ITM2B: variants seen among roughly 807,000 people sequenced by gnomAD.
ITM2B encodes integral membrane protein 2B, also known as ABri/ADan amyloid peptide.
In ITM2B, 11 loss-of-function variants were observed where a neutral mutation model predicts 27.8. That is an observed-to-expected ratio of 0.40 (90% CI 0.25 to 0.66). The LOEUF (loss-of-function observed/expected upper bound fraction) is 0.66, where lower values mean the gene tolerates loss of function less well. Ranked by LOEUF, ITM2B falls within the 30% of genes least tolerant of loss-of-function variation. The pLI is 0.43. For missense variants in ITM2B, 296 were observed against 328.9 expected (o/e 0.90, Z 0.77); for synonymous variants, 114 against 114.3 (o/e 1.00, Z 0.02).
At chr13:48,239,832 A>T (rs1464575919) in intron 1 of ITM2B, among the ~76,000 whole-genome samples, 1 of 152,214 alleles carries the variant, frequency 6.6e-6, no homozygotes, top group African/African-American at 2.4e-5. Context: ...TATAGCCTAT[A>T]TCTTCAAATA....
chr13:48,261,107 A>G, intron 5 of ITM2B, 32 bp from the exon 6 acceptor site: 4 of 1,451,994 alleles, frequency 2.8e-6, no homozygotes, highest in Non-Finnish European at 3.9e-6. Flanking sequence ...AAAGAATCAA[A>G]ATTTTAAAAA....
rs1951645437 is a variant in ITM2B, at chr13:48,233,270, G to C, written c.-91G>C. On this transcript the variant is annotated 5_prime_UTR_variant, in exon 1 of 6. Transcript: ENST00000647800. Reference sequence around the variant, plus strand: ...TCAGCCGCCCGGAGCCGCTCCCGGAGCCCGGCCGTAGAGGCTGCAATCGCA... The same window carrying C: ...TCAGCCGCCCGGAGCCGCTCCCGGACCCCGGCCGTAGAGGCTGCAATCGCA... 1 of 764,792 alleles carries C rather than the reference G, an allele frequency of 1.3e-6. No homozygotes were observed. Among genetic ancestry groups the C allele is most frequent in the African/African-American group, 1.9e-5 (1 of 53,056 alleles). 47.4% of individuals were successfully genotyped at this position (764,792 alleles called of 1,614,324 possible). A position where few individuals can be genotyped will look rare whatever the true frequency, so the allele number is the denominator to read the frequency against.
At chr13:48,240,908 T>A (rs529804185) in intron 1 of ITM2B, among the ~76,000 whole-genome samples, 1 of 152,370 alleles carries the variant, frequency 6.6e-6, no homozygotes, top group East Asian at 1.9e-4. Context: ...TTATCTTGTG[T>A]CCTTTTACAA....
Position 48,255,523 on chromosome 13 carries a change from G to A in ITM2B, c.247-654G>A, listed in dbSNP as rs9332282. Among the ~76,000 whole-genome samples the A allele has an allele frequency of 5.0e-3, 760 of 152,190 alleles. 5 individuals are homozygous for A. The highest frequency in any genetic ancestry group is 0.01 in the Middle Eastern group (3 of 294). ...TTGCCCAGGCTGGTCTTGAACTCCTGGGCTCAAGCAGTCCATCTGTCTCAG... is the reference window on the plus strand; with the variant it reads ...TTGCCCAGGCTGGTCTTGAACTCCTAGGCTCAAGCAGTCCATCTGTCTCAG... On this transcript the variant is annotated intron_variant, in intron 2 of 5. Transcript: ENST00000647800.
At chr13:48,245,358 A>G (rs1169518741) in intron 1 of ITM2B, among the ~76,000 whole-genome samples, 2 of 152,184 alleles carry the variant, frequency 1.3e-5, no homozygotes, top group Non-Finnish European at 2.9e-5. Flanking sequence ...TCTGTTCAGC[A>G]TAGATTGAAT....
At position 48,265,990 on chromosome 13, in the gene ITM2B, A is replaced by T. The variant is rs1951850991; in HGVS notation, c.*4766A>T. On this transcript the variant is annotated 3_prime_UTR_variant, in exon 6 of 6. Coordinates refer to ENST00000647800, the MANE Select transcript of ITM2B (RefSeq NM_021999.5). ...TACGTTAGTAGGGCACCTGACACAT[A>T]GTTGCAGCTCTTATTTATTGAATGA... 1 of 152,190 alleles carries T rather than the reference A, an allele frequency of 6.6e-6. No individual in the cohort carries two copies. The allele number at this position is 152,190 out of a possible 1,614,324, so 9.4% of individuals were successfully genotyped here. A position where few individuals can be genotyped will look rare whatever the true frequency, so the allele number is the denominator to read the frequency against.
intron 3 of ITM2B, among the ~76,000 whole-genome samples, chr13:48,257,681 G>A (rs991949689): frequency 9.9e-5 from 15 of 152,072 alleles, no homozygotes; most frequent in Non-Finnish European, 4.4e-5. Context: ...CTCAACCAGC[G>A]TTTCTCATTT....
chr13:48,268,627 GT>G lies in ITM2B; in HGVS notation c.*7404del. The G allele has an allele frequency of 6.6e-6, 1 of 152,024 alleles. No homozygotes were observed. The highest frequency in any genetic ancestry group is 1.9e-4 in the East Asian group (1 of 5,160). 9.4% of individuals were successfully genotyped at this position (152,024 alleles called of 1,614,324 possible). A position where few individuals can be genotyped will look rare whatever the true frequency, so the allele number is the denominator to read the frequency against. ...GCCCTGCCAGTATTCCATTTTTTGT[GT>G]ATACCACAATTTATCATTTTTTTCT... On this transcript the variant is annotated 3_prime_UTR_variant, in exon 6 of 6. Coordinates refer to ENST00000647800, the MANE Select transcript of ITM2B (RefSeq NM_021999.5).
At chr13:48,254,751 CAT>C (rs1197076750) in intron 2 of ITM2B, 2 of 152,056 alleles carry the variant, frequency 1.3e-5, no homozygotes, top group South Asian at 2.1e-4. Flanking sequence ...TAATCAATCA[CAT>C]GTTGATAGAC....
intron 1 of ITM2B, among the ~76,000 whole-genome samples, chr13:48,248,161 G>T (rs1427924088): frequency 6.6e-6 from 1 of 152,024 alleles, no homozygotes; most frequent in Non-Finnish European, 1.5e-5. Flanking sequence ...TATATGTTTT[G>T]AAAGTCTTAA....
intron 2 of ITM2B, among the ~76,000 whole-genome samples, 156 bp downstream of exon 2, chr13:48,254,092 A>G (rs766815868): frequency 1.3e-5 from 2 of 152,086 alleles, no homozygotes; most frequent in Admixed American, 6.5e-5. Flanking sequence ...GTGTTTAAAC[A>G]TCTCTCCATG....
intron 1 of ITM2B, among the ~76,000 whole-genome samples, chr13:48,248,647 T>C (rs1462290756): frequency 6.6e-6 from 1 of 152,168 alleles, no homozygotes; most frequent in Non-Finnish European, 1.5e-5. Context: ...CTGGGCCACA[T>C]TGGAAGAAGA....
chr13:48,252,944 G>A (rs1352441446), intron 1 of ITM2B, among the ~76,000 whole-genome samples: 1 of 152,184 alleles, frequency 6.6e-6, no homozygotes, highest in Non-Finnish European at 1.5e-5. Flanking sequence ...GAGGGATCAG[G>A]TTAGAAGGGC....
At chr13:48,240,395 CG>C (rs1319191293) in intron 1 of ITM2B, among the ~76,000 whole-genome samples, 2 of 152,032 alleles carry the variant, frequency 1.3e-5, no homozygotes, top group African/African-American at 4.8e-5. Flanking sequence ...TTAATAGAGA[CG>C]GGGTTTCACC....
chr13:48,245,139 A>G (rs915042025), intron 1 of ITM2B, among the ~76,000 whole-genome samples: 2 of 152,204 alleles, frequency 1.3e-5, no homozygotes, highest in Admixed American at 6.5e-5. Flanking sequence ...CAGCCTGGCC[A>G]ACATGGTGAG....
rs548535633 is a variant in ITM2B, at chr13:48,255,616, T to C, written c.247-561T>C. Among the ~76,000 whole-genome samples the C allele has an allele frequency of 3.3e-5, 5 of 152,344 alleles. No homozygotes were observed. In the South Asian group the frequency reaches 1.0e-3, roughly 32 times the overall value. On this transcript the variant is annotated intron_variant, in intron 2 of 5. Transcript: ENST00000647800. Reference sequence around the variant, plus strand: ...TGCACCCGACCTTATGTACTGTTTTTTCTTTTTGTAAAAGTGAGACAGTAG... The same window carrying C: ...TGCACCCGACCTTATGTACTGTTTTCTCTTTTTGTAAAAGTGAGACAGTAG...
At chr13:48,247,434 A>G (rs1951730913) in intron 1 of ITM2B, among the ~76,000 whole-genome samples, 1 of 152,164 alleles carries the variant, frequency 6.6e-6, no homozygotes, top group Non-Finnish European at 1.5e-5. Context: ...CTGTTGTTGA[A>G]TTTGATACAG....
chr13:48,248,535 T>A (rs1444982846), intron 1 of ITM2B, among the ~76,000 whole-genome samples: 1 of 152,202 alleles, frequency 6.6e-6, no homozygotes, highest in Non-Finnish European at 1.5e-5. Context: ...TTGGACATAT[T>A]TCCTTACATA....
chr13:48,247,432 G>A (rs1393274778), intron 1 of ITM2B, among the ~76,000 whole-genome samples: 2 of 152,056 alleles, frequency 1.3e-5, no homozygotes, highest in Non-Finnish European at 2.9e-5. Flanking sequence ...CACTGTTGTT[G>A]AATTTGATAC....
Sources: allele counts gnomAD v4.1 joint callset (sites outside exome capture counted in the v4.1 genomes callset), GRCh38; gene constraint gnomAD v4.1.1; transcripts MANE v1.5; gene names NCBI Gene and HGNC (gene_info 2026-07-23, HGNC 2026-07-21).